The following ACTL6B variants were observed in gnomAD, a reference collection of about 807,000 sequenced individuals.
ACTL6B encodes the protein actin-like protein 6B.
In ACTL6B, 48 loss-of-function variants were observed where a neutral mutation model predicts 63.3. That is an observed-to-expected ratio of 0.76 (90% confidence interval 0.60 to 0.96). The LOEUF is 0.96. ACTL6B is among the 50% of genes least tolerant of loss of function. ACTL6B has a pLI of 0.00. For synonymous variants in ACTL6B, 230 were observed against 223.8 expected, an observed-to-expected ratio of 1.03 and a Z score of -0.25; for missense variants, 350 against 572.2, an observed-to-expected ratio of 0.61 and a Z score of 3.96.
chr7:100,647,619 C>CGCCAGG lies in ACTL6B; in HGVS notation c.670-87_670-86insCCTGGC. 9.9e-7 allele frequency: 1 copy of CGCCAGG among 1,008,142 alleles called. No individual in the cohort carries two copies. The highest frequency in any genetic ancestry group is 1.5e-6 in the Non-Finnish European group (1 of 676,252). The allele number at this position is 1,008,142 out of a possible 1,614,324, so 62.4% of individuals were successfully genotyped here. On this transcript the variant is annotated intron_variant, in intron 7 of 13. Transcript: ENST00000160382. The surrounding 1 kb of genome is among the most constrained non-coding windows in gnomAD (Gnocchi z 4.4). ...CCTGGCACTGTTCCCAGCTCTGCAG[C>CGCCAGG]TACCTGGCGCTGCAGGCTCTGCTGT...
Position 100,647,206 on chromosome 7 carries a change from C to A in ACTL6B, c.821+17G>T, listed in dbSNP as rs770379963. 3 of 1,612,684 alleles carry A rather than the reference C, an allele frequency of 1.9e-6. No homozygotes were observed. Among genetic ancestry groups the A allele is most frequent in the Non-Finnish European group, 2.5e-6 (3 of 1,179,446 alleles). On this transcript the variant is annotated intron_variant, in intron 9 of 13. Coordinates refer to ENST00000160382, the MANE Select transcript of ACTL6B (RefSeq NM_016188.5). This position sits in a 1 kb window ranked among gnomAD's most constrained non-coding sequence, Gnocchi z 4.4. ...TTCTGCCCTCTCTCCCACCCCAAAG[C>A]CCTGAGCCACACTCACTGTTCATCG...
intron 4 of ACTL6B, 125 bp downstream of exon 4, chr7:100,654,894 G>A (rs983920098): frequency 2.6e-6 from 2 of 760,862 alleles, no homozygotes; most frequent in Non-Finnish European, 2.2e-6. Context: ...ATGGGTGAGG[G>A]GAGTCTGAAA....
At chr7:100,643,426 C>T (rs1223578397) in intron 13 of ACTL6B, 100 bp from the exon 14 acceptor site, 1 of 1,257,778 alleles carries the variant, frequency 8.0e-7, no homozygotes, top group South Asian at 1.3e-5. Context: ...CCCAACCACC[C>T]CTTGGGTTCA....
intron 4 of ACTL6B, among the ~76,000 whole-genome samples, chr7:100,653,280 C>A (rs1301418944): frequency 6.6e-6 from 1 of 151,992 alleles, no homozygotes; most frequent in East Asian, 1.9e-4. Flanking sequence ...GACCCCATCT[C>A]TGCAAAAGAT....
intron 4 of ACTL6B, among the ~76,000 whole-genome samples, chr7:100,654,721 G>T (rs1186565603): frequency 6.6e-6 from 1 of 151,606 alleles, no homozygotes; most frequent in Non-Finnish European, 1.5e-5. Context: ...GGCAGAGGCT[G>T]AGATCTCACC....
At position 100,647,297 on chromosome 7, in the gene ACTL6B, C is replaced by T. The variant is rs577709097; in HGVS notation, c.760-13G>A. 5.0e-6 allele frequency: 8 copies of T among 1,613,124 alleles called. No individual in the cohort carries two copies. Among genetic ancestry groups the T allele is most frequent in the South Asian group, 2.2e-5 (2 of 91,070 alleles). The stretch of plus-strand genomic sequence containing the variant: ...CCTGGATCACCTCCTGAAATCCCAG[C>T]GGAGGTGGTGAGGGCCTGCCTTCCC... On this transcript the variant is annotated splice_polypyrimidine_tract_variant and intron_variant, in intron 8 of 13. Coordinates refer to ENST00000160382, the MANE Select transcript of ACTL6B (RefSeq NM_016188.5). This position sits in a 1 kb window ranked among gnomAD's most constrained non-coding sequence, Gnocchi z 4.4.
rs749138723 is a variant in ACTL6B, at chr7:100,648,997, CTTT to C, written c.468-177_468-175del. Among the ~76,000 whole-genome samples the C allele has an allele frequency of 1.4e-5, 2 of 142,536 alleles. No individual in the cohort carries two copies. Among genetic ancestry groups the C allele is most frequent in the Non-Finnish European group, 3.1e-5 (2 of 65,014 alleles). 93.5% of individuals were successfully genotyped at this position (142,536 alleles called of 152,430 possible). A position where few individuals can be genotyped will look rare whatever the true frequency, so the allele number is the denominator to read the frequency against. Reference sequence around the variant, plus strand: ...AAAGGCTCTGAGACCCCAGTTACTTCTTTTTTTTTTTTTTTGAGATGGAGTCTT... The same window carrying C: ...AAAGGCTCTGAGACCCCAGTTACTTCTTTTTTTTTTTTGAGATGGAGTCTT... On this transcript the variant is annotated intron_variant, in intron 5 of 13. Transcript: ENST00000160382. This position sits in a 1 kb window ranked among gnomAD's most constrained non-coding sequence, Gnocchi z 4.4.
chr7:100,646,596 GC>G lies in ACTL6B; in HGVS notation c.1067del (p.Gly356AlafsTer20). 1.9e-6 allele frequency: 3 copies of G among 1,614,036 alleles called. No homozygotes were observed. The highest frequency in any genetic ancestry group is 2.5e-6 in the Non-Finnish European group (3 of 1,180,014). ...IVTGGNTLLQGFTDRLNRELS... is the reference protein window; with the variant it reads ...IVTGGNTLLQXFTDRLNRELS... ...GCTCTCGATTGAGCCTGTCAGTGAAGCCCTGCAGCAGTGTGTTCCCGCCGGT... is the reference window on the plus strand; with the variant it reads ...GCTCTCGATTGAGCCTGTCAGTGAAGCCTGCAGCAGTGTGTTCCCGCCGGT... On this transcript the variant is annotated frameshift_variant, in exon 12 of 14. Coordinates refer to ENST00000160382, the MANE Select transcript of ACTL6B (RefSeq NM_016188.5). LOFTEE classifies it high-confidence loss of function. This position sits in a 1 kb window ranked among gnomAD's most constrained non-coding sequence, Gnocchi z 6.1.
At chr7:100,649,577 C>T (rs1312065572) in intron 5 of ACTL6B, among the ~76,000 whole-genome samples, 2 of 152,146 alleles carry the variant, frequency 1.3e-5, no homozygotes, top group South Asian at 2.1e-4. Flanking sequence ...GGATTACAGG[C>T]GTGAGCCACC....
intron 4 of ACTL6B, among the ~76,000 whole-genome samples, 190 bp from the exon 5 acceptor site, chr7:100,650,325 CACACACACACATACACTCAA>C (rs1251925995): frequency 6.3e-4 from 94 of 148,196 alleles, no homozygotes; most frequent in Non-Finnish European, 1.6e-4. Context: ...TTCACTTGCA[CACACACACACATACACTCAA>C]ACACACACAC....
chr7:100,652,537 G>A (rs1281373970), intron 4 of ACTL6B, among the ~76,000 whole-genome samples: 31 of 148,420 alleles, frequency 2.1e-4, no homozygotes, highest in African/African-American at 7.2e-4. Flanking sequence ...GCAGTGAGCC[G>A]AGATCGCGCC....
chr7:100,650,975 G>A (rs1803929975), intron 4 of ACTL6B, among the ~76,000 whole-genome samples: 1 of 152,108 alleles, frequency 6.6e-6, no homozygotes, highest in Admixed American at 6.6e-5. Flanking sequence ...GACATACTAA[G>A]TGCCTAGAGC....
rs1803849741 is a variant in ACTL6B, at chr7:100,647,632, C to G, written c.670-99G>C. ...CCAGCTCTGCAGCTACCTGGCGCTGCAGGCTCTGCTGTGCTGCCTGCAAGA... is the reference window on the plus strand; with the variant it reads ...CCAGCTCTGCAGCTACCTGGCGCTGGAGGCTCTGCTGTGCTGCCTGCAAGA... On this transcript the variant is annotated intron_variant, in intron 7 of 13. Coordinates refer to ENST00000160382, the MANE Select transcript of ACTL6B (RefSeq NM_016188.5). The surrounding 1 kb of genome is among the most constrained non-coding windows in gnomAD (Gnocchi z 4.4). The G allele has an allele frequency of 5.5e-6, 5 of 907,980 alleles. No individual in the cohort carries two copies. The highest frequency in any genetic ancestry group is 1.7e-5 in the African/African-American group (1 of 59,960). The allele number at this position is 907,980 out of a possible 1,614,324, so 56.2% of individuals were successfully genotyped here. A position where few individuals can be genotyped will look rare whatever the true frequency, so the allele number is the denominator to read the frequency against.
intron 4 of ACTL6B, among the ~76,000 whole-genome samples, chr7:100,654,437 TA>T: frequency 1.5e-5 from 1 of 67,344 alleles, no homozygotes; most frequent in African/African-American, 1.3e-4. Flanking sequence ...TTGACCATAA[TA>T]ATAATAATAA....
rs377332509 is a variant in ACTL6B at position 100,646,213 on chromosome 7, C to A, written c.1200+36G>T. The A allele has an allele frequency of 1.9e-6, 3 of 1,585,414 alleles. No homozygotes were observed. The highest frequency in any genetic ancestry group is 1.7e-4 in the Middle Eastern group (1 of 6,044). Reference sequence around the variant, plus strand: ...CACTGTCTGGGTCTCCCCTCTCCCCCACAGTCAGTGCTAGGCCAGGTCCCT... The same window carrying A: ...CACTGTCTGGGTCTCCCCTCTCCCCAACAGTCAGTGCTAGGCCAGGTCCCT... On this transcript the variant is annotated intron_variant, in intron 13 of 13. Transcript: ENST00000160382. The surrounding 1 kb of genome is among the most constrained non-coding windows in gnomAD (Gnocchi z 6.1).
Position 100,647,216 on chromosome 7 carries a change from C to T in ACTL6B, c.821+7G>A. The T allele has an allele frequency of 3.1e-6, 5 of 1,613,412 alleles. No homozygotes were observed. Among genetic ancestry groups the T allele is most frequent in the Non-Finnish European group, 4.2e-6 (5 of 1,179,946 alleles). ...TCTCCCACCCCAAAGCCCTGAGCCACACTCACTGTTCATCGTAGGGGGAGT... is the reference window on the plus strand; with the variant it reads ...TCTCCCACCCCAAAGCCCTGAGCCATACTCACTGTTCATCGTAGGGGGAGT... On this transcript the variant is annotated splice_region_variant and intron_variant, in intron 9 of 13. Transcript: ENST00000160382. The surrounding 1 kb of genome is among the most constrained non-coding windows in gnomAD (Gnocchi z 4.4).
In ACTL6B at chr7:100,646,380, G is replaced by C. The variant is rs568989814; in HGVS notation, c.1114-45C>G. ...GGGGGAAGCAGACACCTAGGTTCTGGGAAGGGACAGGGCTTGGGGGAGAGG... is the reference window on the plus strand; with the variant it reads ...GGGGGAAGCAGACACCTAGGTTCTGCGAAGGGACAGGGCTTGGGGGAGAGG... On this transcript the variant is annotated intron_variant, in intron 12 of 13. Coordinates refer to ENST00000160382, the MANE Select transcript of ACTL6B (RefSeq NM_016188.5). This position sits in a 1 kb window ranked among gnomAD's most constrained non-coding sequence, Gnocchi z 6.1. The C allele has an allele frequency of 1.5e-4, 239 of 1,601,744 alleles. 8 individuals carry two copies. In the South Asian group the frequency reaches 2.5e-3, roughly 17 times the overall value.
intron 4 of ACTL6B, among the ~76,000 whole-genome samples, chr7:100,652,600 A>G (rs2131337461): frequency 6.6e-6 from 1 of 151,708 alleles, no homozygotes; most frequent in Non-Finnish European, 1.5e-5. Context: ...AAAAAAAAAA[A>G]AAAAGAAATT....
Position 100,655,406 on chromosome 7 carries a change from G to T in ACTL6B, c.268+15C>A. 1 of 1,612,680 alleles carries T rather than the reference G, an allele frequency of 6.2e-7. No homozygotes were observed. Among genetic ancestry groups the T allele is most frequent in the Non-Finnish European group, 8.5e-7 (1 of 1,179,238 alleles). On this transcript the variant is annotated intron_variant, in intron 3 of 13. Coordinates refer to ENST00000160382, the MANE Select transcript of ACTL6B (RefSeq NM_016188.5). This position sits in a 1 kb window ranked among gnomAD's most constrained non-coding sequence, Gnocchi z 4.4. ...CTCCTTTTCTGTCAGGAGGTGATGG[G>T]TGGGGGCCCCTTACTCATGCCATTC...
Sources: gnomAD v4.1 joint callset for allele counts (sites outside exome capture counted in the v4.1 genomes callset) on GRCh38, gnomAD v4.1.1 for gene constraint, Gnocchi (gnomAD v3.1) non-coding constraint, MANE v1.5 for transcripts, NCBI Gene and HGNC (gene_info 2026-07-23, HGNC 2026-07-21) for gene names.